Variants in DNAI4 observed in about 807,000 individuals in gnomAD.
DNAI4 encodes dynein axonemal intermediate chain 4, also known as WD repeat domain 78.
In DNAI4, 85 loss-of-function variants were observed where a neutral mutation model predicts 105.8. The ratio of observed to expected loss-of-function variants is 0.80; its 90% confidence interval spans 0.67 to 0.96. The LOEUF is 0.96. Ranked by LOEUF, DNAI4 falls within the 40% of genes least tolerant of loss-of-function variation. The pLI is 0.00. For synonymous variants in DNAI4, 352 were observed against 331.5 expected (o/e 1.06, Z -0.67); for missense variants, 1,014 against 1,005.6 (o/e 1.01, Z -0.11).
chr1:66,819,788 A>C (rs556865967), intron 16 of DNAI4, among the ~76,000 whole-genome samples: 1 of 152,226 alleles, frequency 6.6e-6, no homozygotes, highest in East Asian at 1.9e-4. Flanking sequence ...ACAATAACAA[A>C]AATTTTCAAA....
intron 13 of DNAI4, among the ~76,000 whole-genome samples, 195 bp downstream of exon 13, chr1:66,833,390 A>G (rs545325925): frequency 5.2e-4 from 79 of 152,046 alleles, no homozygotes; most frequent in African/African-American, 1.9e-3. Flanking sequence ...GTCATTCCCT[A>G]TTTTTCCCTC....
chr1:66,893,063 G>GAAAGAAAGAAAGAAAGAAAGAAAGAA (rs60123348), intron 3 of DNAI4, among the ~76,000 whole-genome samples, 166 bp downstream of exon 3: 10 of 89,552 alleles, frequency 1.1e-4, no homozygotes, highest in African/African-American at 4.9e-4. Context: ...AAGAGAGAGA[G>GAAAGAAAGAAAGAAAGAAAGAAAGAA]AGAAAGAAAG....
At chr1:66,917,798 C>T (rs899157371) in intron 1 of DNAI4, among the ~76,000 whole-genome samples, 1 of 152,182 alleles carries the variant, frequency 6.6e-6, no homozygotes, top group African/African-American at 2.4e-5. Flanking sequence ...TGTTTTAATT[C>T]GTAACAGGAT....
chr1:66,896,251 G>A (rs1648329293), intron 2 of DNAI4, among the ~76,000 whole-genome samples: 1 of 152,138 alleles, frequency 6.6e-6, no homozygotes, highest in Admixed American at 6.5e-5. Context: ...TTGGTAAAGT[G>A]TAATTTTTTA....
At chr1:66,924,097 T>TA (rs1422669350) in intron 1 of DNAI4, among the ~76,000 whole-genome samples, 1 of 152,224 alleles carries the variant, frequency 6.6e-6, no homozygotes. Flanking sequence ...CTGCAGGCCT[T>TA]AACAAACTAG....
rs193274946 is a variant in DNAI4 at position 66,830,503 on chromosome 1, G to A, written c.2014-2593C>T. Among the ~76,000 whole-genome samples the A allele has an allele frequency of 7.9e-4, 120 of 152,008 alleles. 2 individuals carry two copies. The highest frequency in any genetic ancestry group is 7.8e-3 in the East Asian group (40 of 5,126). On this transcript the variant is annotated intron_variant, in intron 13 of 16. Transcript: ENST00000371026. Reference sequence around the variant, plus strand: ...AAAATAAAAATAAATTAGGCCAGGCGCGGTGGCCGAAGCCTGTAATCCCAG... The same window carrying A: ...AAAATAAAAATAAATTAGGCCAGGCACGGTGGCCGAAGCCTGTAATCCCAG...
chr1:66,862,173 C>A lies in DNAI4; in HGVS notation c.1070G>T (p.Arg357Ile). ...TTTTTCTGTAGTGCTCCCTGGCAAT[C>A]TTTGGTCCTGATCTTTAGGAAGTAC... ...ANVLPKDQDQ[R>I]LPGSTTEKNS... Residue 357 changes from arginine to isoleucine, a missense_variant, in exon 7 of 17, where the codon AGA (arginine) becomes ATA (isoleucine). Coordinates refer to ENST00000371026, the MANE Select transcript of DNAI4 (RefSeq NM_024763.5). 6.3e-7 allele frequency: 1 copy of A among 1,592,700 alleles called. No homozygotes were observed. The highest frequency in any genetic ancestry group is 8.5e-7 in the Non-Finnish European group (1 of 1,173,082).
intron 2 of DNAI4, among the ~76,000 whole-genome samples, chr1:66,893,704 T>C (rs924399759): frequency 2.6e-5 from 4 of 152,204 alleles, no homozygotes; most frequent in Non-Finnish European, 5.9e-5. Context: ...GTTAGTATTT[T>C]GGTGCATGTA....
At chr1:66,899,407 G>C (rs188733636) in intron 2 of DNAI4, among the ~76,000 whole-genome samples, 22 of 152,190 alleles carry the variant, frequency 1.4e-4, no homozygotes, top group African/African-American at 4.8e-4. Flanking sequence ...CTTGAGAAAT[G>C]AGCATTCAGA....
At chr1:66,900,997 T>C (rs1044787390) in intron 2 of DNAI4, among the ~76,000 whole-genome samples, 4 of 152,202 alleles carry the variant, frequency 2.6e-5, no homozygotes, top group East Asian at 3.8e-4. Flanking sequence ...TTAAGTATAA[T>C]GTTAGCTGTG....
intron 7 of DNAI4, among the ~76,000 whole-genome samples, chr1:66,856,641 A>T (rs987759228): frequency 1.3e-5 from 2 of 152,108 alleles, no homozygotes; most frequent in African/African-American, 4.8e-5. Flanking sequence ...ATACAGTCTC[A>T]GAACACAAAG....
At chr1:66,865,747 C>T (rs2100627971) in intron 6 of DNAI4, among the ~76,000 whole-genome samples, 1 of 152,286 alleles carries the variant, frequency 6.6e-6, no homozygotes, top group South Asian at 2.1e-4. Flanking sequence ...AAAAGTGCCT[C>T]AGCCAGAAAT....
Position 66,912,984 on chromosome 1 carries a change from T to C in DNAI4, c.171-7609A>G, listed in dbSNP as rs113945987. On this transcript the variant is annotated intron_variant, in intron 1 of 16. Transcript: ENST00000371026. Reference sequence around the variant, plus strand: ...CTGTACAACTCCCTTTTTTTTGGAGTTTTACTTGCTTCCAACACAAGAATG... The same window carrying C: ...CTGTACAACTCCCTTTTTTTTGGAGCTTTACTTGCTTCCAACACAAGAATG... 6.1e-3 allele frequency among the ~76,000 whole-genome samples: 921 copies of C among 152,212 alleles called. 7 individuals carry two copies. The highest frequency in any genetic ancestry group is 0.021 in the African/African-American group (861 of 41,520).
chr1:66,872,366 C>A (rs1048053559), intron 5 of DNAI4, among the ~76,000 whole-genome samples: 3 of 151,984 alleles, frequency 2.0e-5, no homozygotes, highest in Non-Finnish European at 2.9e-5. Context: ...GAAGCTGGTA[C>A]TACTGGCATA....
At chr1:66,844,835 T>C (rs1646236160) in intron 8 of DNAI4, among the ~76,000 whole-genome samples, 1 of 152,196 alleles carries the variant, frequency 6.6e-6, no homozygotes, top group South Asian at 2.1e-4. Flanking sequence ...TTGCAAAATA[T>C]GTAACTGACA....
rs574446368 is a variant in DNAI4 at position 66,891,282 on chromosome 1, A to G, written c.531-16T>C. The G allele has an allele frequency of 9.6e-6, 15 of 1,557,360 alleles. No homozygotes were observed. In the South Asian group the frequency reaches 1.6e-4, roughly 16 times the overall value. On this transcript the variant is annotated splice_polypyrimidine_tract_variant and intron_variant, in intron 3 of 16. Transcript: ENST00000371026. Reference sequence around the variant, plus strand: ...TAAAACTGACCTTTAATAATGAATAACAAAATTACTCATTTATTTAGATGT... The same window carrying G: ...TAAAACTGACCTTTAATAATGAATAGCAAAATTACTCATTTATTTAGATGT...
At chr1:66,856,333 C>A (rs948525399) in intron 7 of DNAI4, among the ~76,000 whole-genome samples, 6 of 151,396 alleles carry the variant, frequency 4.0e-5, no homozygotes, top group African/African-American at 1.5e-4. Flanking sequence ...AATAGCCAGG[C>A]ATGGTGGCGG....
chr1:66,860,022 C>A (rs1646591045), intron 7 of DNAI4, among the ~76,000 whole-genome samples: 1 of 151,924 alleles, frequency 6.6e-6, no homozygotes, highest in Non-Finnish European at 1.5e-5. Flanking sequence ...AACAAATATA[C>A]CACATTAATG....
intron 2 of DNAI4, among the ~76,000 whole-genome samples, chr1:66,897,284 C>T (rs1648414281): frequency 1.3e-5 from 2 of 152,128 alleles, no homozygotes. Context: ...GCAAAGTGTT[C>T]AAGATGCTGC....
Sources: allele counts gnomAD v4.1 joint callset (sites outside exome capture counted in the v4.1 genomes callset), GRCh38; gene constraint gnomAD v4.1.1; transcripts MANE v1.5; gene names NCBI Gene and HGNC (gene_info 2026-07-23, HGNC 2026-07-21).